PCDHA2: variants seen among roughly 807,000 people sequenced by gnomAD.
PCDHA2 encodes protocadherin alpha 2.
Under a neutral mutation model 66.0 loss-of-function variants are expected in PCDHA2, and 58 were observed. The observed-to-expected ratio is 0.88, with a 90% CI of 0.71 to 1.09. PCDHA2 has a LOEUF of 1.09. Ranked by LOEUF, PCDHA2 falls within the 50% of genes least tolerant of loss-of-function variation. PCDHA2 has a pLI of 0.00. For synonymous variants in PCDHA2, 634 were observed against 554.0 expected (o/e 1.14, Z -2.03); for missense variants, 1,267 against 1,242.3 (o/e 1.02, Z -0.30).
chr5:140,950,914 T>G (rs1198787949), intron 1 of PCDHA2, among the ~76,000 whole-genome samples: 1 of 152,044 alleles, frequency 6.6e-6, no homozygotes, highest in Non-Finnish European at 1.5e-5. Context: ...TTTATTTTAT[T>G]TCAGTTCTTT....
At chr5:140,867,614 T>C (rs1157399169) in intron 1 of PCDHA2, 3 of 152,134 alleles carry the variant, frequency 2.0e-5, no homozygotes, top group Non-Finnish European at 2.9e-5. Context: ...ATCAAAACTA[T>C]AGAACAAAAT....
At chr5:140,981,748 G>C (rs975887463) in intron 2 of PCDHA2, among the ~76,000 whole-genome samples, 28 of 151,686 alleles carry the variant, frequency 1.8e-4, no homozygotes, top group African/African-American at 6.8e-4. Context: ...ATATGAGTTA[G>C]TATTAGACAT....
Position 140,863,381 on chromosome 5 carries a change from G to A in PCDHA2, c.2388+66029G>A, listed in dbSNP as rs1186134797. 4 of 1,058,516 alleles carry A rather than the reference G, an allele frequency of 3.8e-6. No homozygotes were observed. In the African/African-American group the frequency reaches 4.8e-5, roughly 13 times the overall value. 65.6% of individuals were successfully genotyped at this position (1,058,516 alleles called of 1,614,324 possible). ...CGGTGCTTGGCGCAGCTCACCGAGAGCTCGTGCATGCCGGGCAAGCCCACG... is the reference window on the plus strand; with the variant it reads ...CGGTGCTTGGCGCAGCTCACCGAGAACTCGTGCATGCCGGGCAAGCCCACG... On this transcript the variant is annotated intron_variant, in intron 1 of 3. Transcript: ENST00000526136.
intron 1 of PCDHA2, chr5:140,830,073 C>A (rs782807658): frequency 1.2e-6 from 2 of 1,613,470 alleles, no homozygotes; most frequent in African/African-American, 2.7e-5. Context: ...GCGCTGACAG[C>A]GACGGCCACG....
intron 1 of PCDHA2, 79 bp from the exon 2 acceptor site, chr5:140,978,870 G>T: frequency 6.2e-7 from 1 of 1,606,988 alleles, no homozygotes; most frequent in Non-Finnish European, 8.5e-7. Context: ...ATTTAAGGGA[G>T]TAACTAATCA....
At chr5:140,918,428 T>C (rs2078691655) in intron 1 of PCDHA2, among the ~76,000 whole-genome samples, 1 of 152,194 alleles carries the variant, frequency 6.6e-6, no homozygotes, top group African/African-American at 2.4e-5. Context: ...AGTAGGATGT[T>C]GAATAGGAGT....
At chr5:140,860,225 A>C (rs2046280777) in intron 1 of PCDHA2, 1 of 151,528 alleles carries the variant, frequency 6.6e-6, no homozygotes, top group South Asian at 2.1e-4. Flanking sequence ...ATGTATATAT[A>C]AGCCAGGCAT....
chr5:141,010,343 G>C lies in PCDHA2; in HGVS notation c.*406G>C. 1 of 1,518,858 alleles carries C rather than the reference G, an allele frequency of 6.6e-7. No homozygotes were observed. Among genetic ancestry groups the C allele is most frequent in the Admixed American group, 2.1e-5 (1 of 46,514 alleles). 94.1% of individuals were successfully genotyped at this position (1,518,858 alleles called of 1,614,324 possible). A position where few individuals can be genotyped will look rare whatever the true frequency, so the allele number is the denominator to read the frequency against. On this transcript the variant is annotated 3_prime_UTR_variant, in exon 4 of 4. Coordinates refer to ENST00000526136, the MANE Select transcript of PCDHA2 (RefSeq NM_018905.3). ...GCAGCTTGGGAGTTTGTGGCCACTGGGTATGTGTGGCTACCGCGGGTATGC... is the reference window on the plus strand; with the variant it reads ...GCAGCTTGGGAGTTTGTGGCCACTGCGTATGTGTGGCTACCGCGGGTATGC...
chr5:140,920,692 A>G (rs552577858), intron 1 of PCDHA2, among the ~76,000 whole-genome samples: 2 of 152,232 alleles, frequency 1.3e-5, no homozygotes, highest in Non-Finnish European at 2.9e-5. Flanking sequence ...AAAAATACAA[A>G]CATTAGCTTG....
chr5:140,923,039 A>G (rs998399771), intron 1 of PCDHA2, among the ~76,000 whole-genome samples: 2 of 152,236 alleles, frequency 1.3e-5, no homozygotes, highest in Non-Finnish European at 2.9e-5. Context: ...TACTACATGT[A>G]TAGTATTTAG....
intron 2 of PCDHA2, among the ~76,000 whole-genome samples, chr5:140,979,231 C>T (rs1203154373): frequency 6.6e-6 from 1 of 152,186 alleles, no homozygotes; most frequent in Non-Finnish European, 1.5e-5. Context: ...TCTGTAAAAT[C>T]ACAGAAACAG....
intron 1 of PCDHA2, chr5:140,834,241 G>A: frequency 1.2e-6 from 1 of 811,066 alleles, no homozygotes; most frequent in East Asian, 2.6e-5. Context: ...ATTCCTTTTC[G>A]CACTGGAAAG....
At chr5:140,881,594 A>G (rs1464236535) in intron 1 of PCDHA2, among the ~76,000 whole-genome samples, 7 of 152,244 alleles carry the variant, frequency 4.6e-5, no homozygotes, top group Admixed American at 6.5e-5. Context: ...AGGGAAATTT[A>G]TTAATATGAT....
At chr5:140,821,879 C>T (rs2150111587) in intron 1 of PCDHA2, 2 of 1,614,242 alleles carry the variant, frequency 1.2e-6, no homozygotes, top group Non-Finnish European at 1.7e-6. Flanking sequence ...TACTCGATCC[C>T]GGAGGAAGCC....
At chr5:140,829,654 G>T in intron 1 of PCDHA2, 1 of 1,612,542 alleles carries the variant, frequency 6.2e-7, no homozygotes, top group Non-Finnish European at 8.5e-7. Context: ...ACGCGCTGCA[G>T]CCGCTGGACC....
intron 1 of PCDHA2, among the ~76,000 whole-genome samples, chr5:140,917,749 C>G (rs2078340847): frequency 6.6e-6 from 1 of 152,144 alleles, no homozygotes; most frequent in African/African-American, 2.4e-5. Flanking sequence ...TCCCATTGGT[C>G]TATGTGTCTG....
At chr5:140,905,144 A>G (rs2071622994) in intron 1 of PCDHA2, among the ~76,000 whole-genome samples, 2 of 152,130 alleles carry the variant, frequency 1.3e-5, no homozygotes, top group African/African-American at 2.4e-5. Context: ...TTCTGCTGTT[A>G]TATTTTAGAA....
At chr5:140,857,727 A>C in intron 1 of PCDHA2, 1 of 1,597,294 alleles carries the variant, frequency 6.3e-7, no homozygotes, top group South Asian at 1.1e-5. Flanking sequence ...GAGAACGACA[A>C]CGCTCCCGCG....
chr5:140,961,234 G>A (rs2095598781), intron 1 of PCDHA2, among the ~76,000 whole-genome samples: 1 of 152,180 alleles, frequency 6.6e-6, no homozygotes, highest in South Asian at 2.1e-4. Context: ...CCAAAAAGGT[G>A]ATGGAATTTA....
Sources: gnomAD v4.1 joint callset for allele counts (sites outside exome capture counted in the v4.1 genomes callset) on GRCh38, gnomAD v4.1.1 for gene constraint, MANE v1.5 for transcripts, NCBI Gene and HGNC (gene_info 2026-07-23, HGNC 2026-07-21) for gene names.